EMC8: variants seen among roughly 807,000 people sequenced by gnomAD.
EMC8 encodes ER membrane protein complex subunit 8.
A neutral mutation model predicts 24.3 loss-of-function variants in EMC8; 11 were observed. The observed-to-expected ratio is 0.45, with a 90% CI of 0.28 to 0.75. The LOEUF (loss-of-function observed/expected upper bound fraction) is 0.75. EMC8 is among the 30% of genes least tolerant of loss of function. The probability of loss-of-function intolerance (pLI) is 0.12; values close to 1 mark genes in which losing one functional copy is unlikely to be tolerated. For missense variants in EMC8, 277 were observed against 282.7 expected, an observed-to-expected ratio of 0.98 and a Z score of 0.14; for synonymous variants, 145 against 117.7, an observed-to-expected ratio of 1.23 and a Z score of -1.50.
chr16:85,780,053 G>C, intron 4 of EMC8, 186 bp from the exon 5 acceptor site: 1 of 611,640 alleles, frequency 1.6e-6, no homozygotes, highest in Non-Finnish European at 2.9e-6. Flanking sequence ...TTAATACATG[G>C]AAGGGACGCC....
intron 1 of EMC8, among the ~76,000 whole-genome samples, chr16:85,795,625 G>C (rs1226511098): frequency 6.6e-6 from 1 of 152,162 alleles, no homozygotes; most frequent in Non-Finnish European, 1.5e-5. Context: ...AAACCCAAGA[G>C]GACGGGGAGC....
At chr16:85,785,468 C>T (rs956983745) in intron 2 of EMC8, among the ~76,000 whole-genome samples, 1 of 151,988 alleles carries the variant, frequency 6.6e-6, no homozygotes, top group African/African-American at 2.4e-5. Flanking sequence ...TACTCAGGAG[C>T]CTGAGACAGC....
intron 1 of EMC8, among the ~76,000 whole-genome samples, chr16:85,796,250 T>C (rs1905240500): frequency 6.6e-6 from 1 of 152,110 alleles, no homozygotes; most frequent in Non-Finnish European, 1.5e-5. Flanking sequence ...CCTCAACAAA[T>C]GGCACCAGTG....
intron 1 of EMC8, among the ~76,000 whole-genome samples, chr16:85,793,415 T>C (rs1231766152): frequency 6.6e-6 from 1 of 152,082 alleles, no homozygotes; most frequent in African/African-American, 2.4e-5. Context: ...GATCTTTCTA[T>C]GGAATGAGAA....
chr16:85,780,242 A>C, intron 4 of EMC8, 137 bp downstream of exon 4: 1 of 683,280 alleles, frequency 1.5e-6, no homozygotes, highest in South Asian at 1.7e-5. Context: ...ACTGGGGCCT[A>C]CAGGAGCCGG....
intron 1 of EMC8, among the ~76,000 whole-genome samples, chr16:85,790,075 G>C (rs946934696): frequency 6.6e-6 from 1 of 151,950 alleles, no homozygotes; most frequent in African/African-American, 2.4e-5. Flanking sequence ...TCCTGTTTTG[G>C]CATAATGGAA....
rs1230450785 is a variant in EMC8 at position 85,799,434 on chromosome 16, C to T, written c.-139G>A. ...CGCGGCCGCGGGCTGGCGGGGGACC[C>T]TTCAGGCCCGGCCCCGTTTGGGCCT... On this transcript the variant is annotated 5_prime_UTR_variant, in exon 1 of 5. Transcript: ENST00000253457. The surrounding 1 kb of genome is among the most constrained non-coding windows in gnomAD (Gnocchi z 4.2). 2.1e-5 allele frequency: 10 copies of T among 466,758 alleles called. No individual in the cohort carries two copies. In the East Asian group the frequency reaches 3.7e-4, roughly 17 times the overall value. 28.9% of individuals were successfully genotyped at this position (466,758 alleles called of 1,614,324 possible).
In EMC8 at chr16:85,780,057, G is replaced by C. The variant is rs140133522; in HGVS notation, c.474-190C>G. On this transcript the variant is annotated intron_variant, in intron 4 of 4. Coordinates refer to ENST00000253457, the MANE Select transcript of EMC8 (RefSeq NM_006067.5). ...AGAAGACATGGTTAATACATGGAAG[G>C]GACGCCTTTCACGTGGAATTCTGAG... 530 of 609,922 alleles carry C rather than the reference G, an allele frequency of 8.7e-4. 2 individuals carry two copies. The highest frequency in any genetic ancestry group is 8.5e-3 in the African/African-American group (458 of 54,100). The allele number at this position is 609,922 out of a possible 1,614,324, so 37.8% of individuals were successfully genotyped here.
intron 1 of EMC8, 128 bp downstream of exon 1, chr16:85,798,937 G>A (rs1440045147): frequency 7.8e-6 from 5 of 644,824 alleles, no homozygotes; most frequent in South Asian, 5.8e-5. Context: ...CCCCATTCCT[G>A]GCCACGGCAA....
chr16:85,799,059 G>A lies in EMC8; in HGVS notation c.231+6C>T, dbSNP rs1300098235. On this transcript the variant is annotated splice_donor_region_variant and intron_variant, in intron 1 of 4. Coordinates refer to ENST00000253457, the MANE Select transcript of EMC8 (RefSeq NM_006067.5). This position sits in a 1 kb window ranked among gnomAD's most constrained non-coding sequence, Gnocchi z 4.2. ...TGCAAGGGGAAGGGGCCCTTTCCGC[G>A]CTTACCAGGGTGAGAGCCACCTCCA... The A allele has an allele frequency of 1.3e-6, 2 of 1,532,342 alleles. No homozygotes were observed. Among genetic ancestry groups the A allele is most frequent in the Admixed American group, 2.0e-5 (1 of 50,688 alleles). 94.9% of individuals were successfully genotyped at this position (1,532,342 alleles called of 1,614,324 possible).
chr16:85,798,840 C>G (rs576385870), intron 1 of EMC8: 11 of 511,378 alleles, frequency 2.2e-5, no homozygotes, highest in Non-Finnish European at 3.1e-5. Context: ...CTTAAAGTGC[C>G]TCTAAAAGCA....
At chr16:85,798,972 C>G in intron 1 of EMC8, 93 bp downstream of exon 1, 3 of 904,528 alleles carry the variant, frequency 3.3e-6, no homozygotes, top group Non-Finnish European at 5.0e-6. Context: ...TCCTAGGAGC[C>G]TGCTGGAGGG....
chr16:85,779,807 C>T lies in EMC8; in HGVS notation c.534G>A (p.Arg178=), dbSNP rs770853096. The change falls in exon 5 of 5, where the codon CGG becomes CGA. Residue 178 remains arginine, a synonymous_variant. Coordinates refer to ENST00000253457, the MANE Select transcript of EMC8 (RefSeq NM_006067.5). ...QRISASLLDS[R]SYETLVDFDN... is the part of the protein sequence containing the mutation. ...CGAAATCCACGAGCGTCTCGTAGGA[C>T]CGGCTGTCCAGGAGCGAGGCTGAGA... 4.3e-6 allele frequency: 7 copies of T among 1,614,124 alleles called. No homozygotes were observed. Among genetic ancestry groups the T allele is most frequent in the Non-Finnish European group, 5.9e-6 (7 of 1,179,952 alleles).
intron 1 of EMC8, 91 bp downstream of exon 1, chr16:85,798,974 G>C (rs1905431094): frequency 1.1e-6 from 1 of 933,164 alleles, no homozygotes; most frequent in Non-Finnish European, 1.6e-6. Context: ...CTAGGAGCCT[G>C]CTGGAGGGCG....
intron 1 of EMC8, among the ~76,000 whole-genome samples, chr16:85,796,939 T>C (rs1905262141): frequency 6.6e-6 from 1 of 152,272 alleles, no homozygotes; most frequent in East Asian, 1.9e-4. Flanking sequence ...AAGCAGGTAC[T>C]GTGTTTCATC....
chr16:85,781,328 T>G, intron 2 of EMC8, 48 bp from the exon 3 acceptor site: 1 of 1,249,306 alleles, frequency 8.0e-7, no homozygotes, highest in Non-Finnish European at 1.2e-6. Flanking sequence ...CATTCAACAC[T>G]GTTTACAAAA....
rs545753571 is a variant in EMC8 at position 85,786,038 on chromosome 16, A to C, written c.308+2936T>G. ...TCATAAAAGTTATAAACACTACGTTAGAACAGTAATAGAAAAAGTCATCAC... is the reference window on the plus strand; with the variant it reads ...TCATAAAAGTTATAAACACTACGTTCGAACAGTAATAGAAAAAGTCATCAC... On this transcript the variant is annotated intron_variant, in intron 2 of 4. Coordinates refer to ENST00000253457, the MANE Select transcript of EMC8 (RefSeq NM_006067.5). Among the ~76,000 whole-genome samples, 104 of 152,368 alleles carry C rather than the reference A, an allele frequency of 6.8e-4. 2 individuals carry two copies. The highest frequency in any genetic ancestry group is 2.4e-3 in the African/African-American group (101 of 41,590).
chr16:85,789,548 T>C (rs536495371), intron 1 of EMC8, among the ~76,000 whole-genome samples: 2 of 152,148 alleles, frequency 1.3e-5, no homozygotes, highest in South Asian at 4.2e-4. Flanking sequence ...TCCCAGCACT[T>C]TGGGAGGCTG....
At chr16:85,783,060 G>A (rs935635132) in intron 2 of EMC8, among the ~76,000 whole-genome samples, 72 of 152,312 alleles carry the variant, frequency 4.7e-4, no homozygotes, top group African/African-American at 1.4e-3. Context: ...TGCACTTTCG[G>A]AGGCCGAGGC....
Sources: allele counts gnomAD v4.1 joint callset (sites outside exome capture counted in the v4.1 genomes callset), GRCh38; gene constraint gnomAD v4.1.1; non-coding constraint Gnocchi (gnomAD v3.1); transcripts MANE v1.5; gene names NCBI Gene and HGNC (gene_info 2026-07-23, HGNC 2026-07-21).